Variants in RNF145 observed in about 807,000 individuals in gnomAD.
RNF145 encodes the protein ring finger protein 145.
A neutral mutation model predicts 57.3 loss-of-function variants in RNF145; 12 were observed. That is an observed-to-expected ratio of 0.21 (90% confidence interval 0.13 to 0.34). RNF145 has a LOEUF of 0.34. Ranked by LOEUF, RNF145 falls within the 10% of genes least tolerant of loss-of-function variation. The pLI is 1.00. For synonymous variants in RNF145, 262 were observed against 288.3 expected (o/e 0.91, Z 0.92); for missense variants, 429 against 799.0 (o/e 0.54, Z 5.58).
At chr5:159,163,956 G>A (rs995415701) in intron 8 of RNF145, among the ~76,000 whole-genome samples, 1 of 152,122 alleles carries the variant, frequency 6.6e-6, no homozygotes, top group Admixed American at 6.5e-5. Context: ...TAAAGCTCAT[G>A]GCTACAAAAA....
At chr5:159,162,898 G>C in intron 9 of RNF145, 34 bp downstream of exon 9, 1 of 1,537,334 alleles carries the variant, frequency 6.5e-7, no homozygotes, top group Non-Finnish European at 8.7e-7. Flanking sequence ...AACAAAATTG[G>C]TTATTATATA....
chr5:159,187,197 A>C (rs1370681395), intron 3 of RNF145, among the ~76,000 whole-genome samples: 1 of 150,900 alleles, frequency 6.6e-6, no homozygotes, highest in Non-Finnish European at 1.5e-5. Context: ...CAGGAGAATC[A>C]CTTGAACCCA....
intron 6 of RNF145, 68 bp from the exon 7 acceptor site, chr5:159,169,887 T>G: frequency 1.6e-6 from 2 of 1,249,928 alleles, no homozygotes; most frequent in Non-Finnish European, 2.2e-6. Context: ...TTTGAGGCCT[T>G]TAAATAATCA....
intron 1 of RNF145, among the ~76,000 whole-genome samples, chr5:159,203,936 AC>A (rs1315557653): frequency 1.3e-5 from 2 of 152,370 alleles, no homozygotes; most frequent in East Asian, 3.9e-4. Flanking sequence ...AAATCTAGGA[AC>A]AAAACACTCT....
chr5:159,196,532 T>C (rs1785466703), intron 2 of RNF145, among the ~76,000 whole-genome samples: 1 of 152,188 alleles, frequency 6.6e-6, no homozygotes, highest in Admixed American at 6.5e-5. Flanking sequence ...GTACTCCTAC[T>C]TATCCCCTAT....
chr5:159,163,218 TA>T, intron 8 of RNF145, 139 bp from the exon 9 acceptor site: 1 of 767,590 alleles, frequency 1.3e-6, no homozygotes, highest in Non-Finnish European at 2.1e-6. Flanking sequence ...CCAGTCACTG[TA>T]CTAGAGTTCA....
At chr5:159,209,636 T>C, upstream of RNF145, 1 of 1,044,010 alleles carries the variant, frequency 9.6e-7, no homozygotes, top group Non-Finnish European at 1.2e-6. Context: ...GCGCCCGCGC[T>C]CACTCACAAT....
At position 159,203,417 on chromosome 5, in the gene RNF145, G is replaced by T; in HGVS notation, c.184+17C>A. 6.7e-7 allele frequency: 1 copy of T among 1,492,646 alleles called. No homozygotes were observed. Among genetic ancestry groups the T allele is most frequent in the Non-Finnish European group, 9.3e-7 (1 of 1,070,154 alleles). 92.5% of individuals were successfully genotyped at this position (1,492,646 alleles called of 1,614,324 possible). ...AATGCTCACTAGAAGATTAGAAAATGTGATGTAGACACTCACCTACATAAT... is the reference window on the plus strand; with the variant it reads ...AATGCTCACTAGAAGATTAGAAAATTTGATGTAGACACTCACCTACATAAT... On this transcript the variant is annotated intron_variant, in intron 2 of 10. Transcript: ENST00000424310.
chr5:159,182,125 A>G (rs1340259524), intron 3 of RNF145, 74 bp from the exon 4 acceptor site: 3 of 886,620 alleles, frequency 3.4e-6, no homozygotes, highest in Non-Finnish European at 3.6e-6. Context: ...TTATAAAAGC[A>G]TATTATGTTA....
chr5:159,208,912 G>A (rs1785999852), intron 1 of RNF145, among the ~76,000 whole-genome samples: 1 of 151,500 alleles, frequency 6.6e-6, no homozygotes, highest in Non-Finnish European at 1.5e-5. Context: ...GAAGGGATGG[G>A]AGGGCGGGGA....
intron 2 of RNF145, among the ~76,000 whole-genome samples, chr5:159,195,827 T>C (rs2113215518): frequency 6.6e-6 from 1 of 152,314 alleles, no homozygotes; most frequent in East Asian, 1.9e-4. Flanking sequence ...AAACATATCC[T>C]CATTTCTTAA....
At chr5:159,163,353 T>C (rs1221864268) in intron 8 of RNF145, among the ~76,000 whole-genome samples, 1 of 152,266 alleles carries the variant, frequency 6.6e-6, no homozygotes, top group African/African-American at 2.4e-5. Flanking sequence ...TTTCAAATTA[T>C]TTCAGGCTTT....
At chr5:159,169,540 C>A (rs1049041786) in intron 7 of RNF145, 139 bp downstream of exon 7, 34 of 617,386 alleles carry the variant, frequency 5.5e-5, no homozygotes, top group Non-Finnish European at 8.4e-5. Flanking sequence ...AGTATTTTAA[C>A]CCAAATGTTG....
At position 159,174,362 on chromosome 5, in the gene RNF145, T is replaced by C. The variant is rs111398859; in HGVS notation, c.622-204A>G. ...ACTAATTTTGCATTATTATTAACAC[T>C]TGACACACACTTATCTAATAGCACA... On this transcript the variant is annotated intron_variant, in intron 5 of 10. Coordinates refer to ENST00000424310, the MANE Select transcript of RNF145 (RefSeq NM_001199383.2). Among the ~76,000 whole-genome samples, 79 of 152,316 alleles carry C rather than the reference T, an allele frequency of 5.2e-4. 1 individual carries two copies. The highest frequency in any genetic ancestry group is 1.4e-3 in the South Asian group (7 of 4,828).
At chr5:159,207,698 T>G in intron 1 of RNF145, 1 of 1,613,138 alleles carries the variant, frequency 6.2e-7, no homozygotes, top group South Asian at 1.1e-5. Flanking sequence ...TGGCACATGT[T>G]TTAAATATAG....
Position 159,159,046 on chromosome 5 carries a change from G to C in RNF145, c.1627-11C>G. ...AGCAGATTTCATGTCCTAAAAGAGG[G>C]GGAAAAAAGATACCTTATAAATGTC... On this transcript the variant is annotated splice_polypyrimidine_tract_variant and intron_variant, in intron 10 of 10. Coordinates refer to ENST00000424310, the MANE Select transcript of RNF145 (RefSeq NM_001199383.2). The C allele has an allele frequency of 6.3e-7, 1 of 1,594,578 alleles. No individual in the cohort carries two copies. Among genetic ancestry groups the C allele is most frequent in the Admixed American group, 1.8e-5 (1 of 56,300 alleles).
intron 4 of RNF145, among the ~76,000 whole-genome samples, chr5:159,180,294 G>T (rs1203886578): frequency 2.6e-5 from 4 of 152,012 alleles, no homozygotes; most frequent in African/African-American, 9.7e-5. Flanking sequence ...TTGGTGCTTG[G>T]TATACACCCT....
chr5:159,196,479 T>C (rs1785465146), intron 2 of RNF145, among the ~76,000 whole-genome samples: 8 of 152,176 alleles, frequency 5.3e-5, no homozygotes, highest in Admixed American at 5.2e-4. Flanking sequence ...TACTCTTCTA[T>C]AACCATCTTC....
At chr5:159,175,489 T>C (rs889243772) in intron 5 of RNF145, among the ~76,000 whole-genome samples, 1 of 152,170 alleles carries the variant, frequency 6.6e-6, no homozygotes, top group Non-Finnish European at 1.5e-5. Context: ...AAGTATTTAC[T>C]GAATATTCAT....
Sources: gnomAD v4.1 joint callset for allele counts (sites outside exome capture counted in the v4.1 genomes callset) on GRCh38, gnomAD v4.1.1 for gene constraint, MANE v1.5 for transcripts, NCBI Gene and HGNC (gene_info 2026-07-23, HGNC 2026-07-21) for gene names.